Variants in PSIP1 observed in about 807,000 individuals in gnomAD.
PSIP1 encodes PC4 and SFRS1-interacting protein.
A neutral mutation model predicts 74.7 loss-of-function variants in PSIP1; 19 were observed. The observed-to-expected ratio is 0.25, with a 90% CI of 0.18 to 0.37. The LOEUF is 0.37. Ranked by LOEUF, PSIP1 falls within the 10% of genes least tolerant of loss-of-function variation. The probability of loss-of-function intolerance (pLI) is 1.00; values close to 1 mark genes in which losing one functional copy is unlikely to be tolerated. For synonymous variants in PSIP1, 222 were observed against 195.3 expected (o/e 1.14, Z -1.14); for missense variants, 601 against 614.3 (o/e 0.98, Z 0.23).
At chr9:15,484,061 G>A (rs941590398) in intron 6 of PSIP1, among the ~76,000 whole-genome samples, 21 of 151,230 alleles carry the variant, frequency 1.4e-4, no homozygotes, top group African/African-American at 5.1e-4. Context: ...GAACCCGGGA[G>A]GTGGAGGTTG....
intron 3 of PSIP1, chr9:15,492,162 T>A (rs1389655180): frequency 6.6e-6 from 1 of 152,224 alleles, no homozygotes; most frequent in Non-Finnish European, 1.5e-5. Context: ...CATTCCAGCA[T>A]TAACTCAAAA....
chr9:15,483,151 A>G (rs1244441540), intron 6 of PSIP1, among the ~76,000 whole-genome samples: 4 of 152,140 alleles, frequency 2.6e-5, no homozygotes, highest in Non-Finnish European at 5.9e-5. Context: ...CCCTATCTTC[A>G]TGCCAGAGAC....
At chr9:15,472,975 T>G (rs961652978) in intron 9 of PSIP1, among the ~76,000 whole-genome samples, 2 of 152,198 alleles carry the variant, frequency 1.3e-5, no homozygotes, top group African/African-American at 2.4e-5. Context: ...ATAGGAGTGA[T>G]GTCCTTTGGA....
rs2035477098 is a variant in PSIP1, at chr9:15,464,513, G to C, written c.*1007C>G. 5.0e-6 allele frequency: 1 copy of C among 200,558 alleles called. No homozygotes were observed. Among genetic ancestry groups the C allele is most frequent in the African/African-American group, 2.3e-5 (1 of 43,506 alleles). 12.4% of individuals were successfully genotyped at this position (200,558 alleles called of 1,614,324 possible). On this transcript the variant is annotated 3_prime_UTR_variant, in exon 16 of 16. Transcript: ENST00000380733. ...ATGTACAGACTTATCAAAGTACAAT[G>C]CTGGAACAACTAGTGTTTGTATTTT...
At position 15,471,831 on chromosome 9, in the gene PSIP1, T is replaced by C. The variant is rs981341582; in HGVS notation, c.977+801A>G. Reference sequence around the variant, plus strand: ...CATCATTAACTTTGTCTTATTGACCTAGAGCATGTTTTAAAAATCACCTCA... The same window carrying C: ...CATCATTAACTTTGTCTTATTGACCCAGAGCATGTTTTAAAAATCACCTCA... On this transcript the variant is annotated intron_variant, in intron 10 of 15. Coordinates refer to ENST00000380733, the MANE Select transcript of PSIP1 (RefSeq NM_033222.5). 12 of 960,074 alleles carry C rather than the reference T, an allele frequency of 1.2e-5. No homozygotes were observed. The African/African-American group carries it at 1.6e-4, about 13-fold the overall frequency. The allele number at this position is 960,074 out of a possible 1,614,324, so 59.5% of individuals were successfully genotyped here.
chr9:15,500,459 A>C (rs2037288335), intron 3 of PSIP1, among the ~76,000 whole-genome samples: 1 of 151,494 alleles, frequency 6.6e-6, no homozygotes, highest in Admixed American at 6.6e-5. Context: ...AGACAGAGCA[A>C]GACTCTGTCT....
chr9:15,474,332 T>G (rs2035983069), intron 8 of PSIP1, 95 bp from the exon 9 acceptor site: 1 of 1,046,492 alleles, frequency 9.6e-7, no homozygotes, highest in African/African-American at 1.6e-5. Flanking sequence ...AAGGCAAATC[T>G]AAAACAAAGT....
At position 15,478,559 on chromosome 9, in the gene PSIP1, TAC is replaced by T; in HGVS notation, c.554-9_554-8del. Reference sequence around the variant, plus strand: ...GGAATCTTGACTTCTGTAGCTAATATACACATGGAAAAAAAATCAGTAACTAC... The same window carrying T: ...GGAATCTTGACTTCTGTAGCTAATATACATGGAAAAAAAATCAGTAACTAC... On this transcript the variant is annotated splice_region_variant and splice_polypyrimidine_tract_variant and intron_variant, in intron 7 of 15. Transcript: ENST00000380733. 1 of 1,576,722 alleles carries T rather than the reference TAC, an allele frequency of 6.3e-7. No homozygotes were observed. The highest frequency in any genetic ancestry group is 8.7e-7 in the Non-Finnish European group (1 of 1,146,956).
At chr9:15,467,841 C>A (rs1216016708) in intron 14 of PSIP1, among the ~76,000 whole-genome samples, 3 of 152,154 alleles carry the variant, frequency 2.0e-5, no homozygotes, top group Non-Finnish European at 2.9e-5. Context: ...GACTTTATCA[C>A]CAGGCGCGGT....
intron 2 of PSIP1, among the ~76,000 whole-genome samples, chr9:15,507,002 G>C (rs927513899): frequency 6.6e-6 from 1 of 152,188 alleles, no homozygotes; most frequent in Non-Finnish European, 1.5e-5. Flanking sequence ...ATTCTGAATT[G>C]TTAATCATAT....
At chr9:15,472,255 GATGA>G (rs2035869306) in intron 10 of PSIP1, 1 of 995,440 alleles carries the variant, frequency 1.0e-6, no homozygotes, top group Non-Finnish European at 1.2e-6. Context: ...TTGGTGGTGT[GATGA>G]ATAAGGGCAT....
rs1013655008 is a variant in PSIP1 at position 15,477,840 on chromosome 9, TA to T, written c.629+636del. 7.9e-5 allele frequency among the ~76,000 whole-genome samples: 12 copies of T among 151,862 alleles called. No individual in the cohort carries two copies. In the South Asian group the frequency reaches 8.3e-4, roughly 10 times the overall value. On this transcript the variant is annotated intron_variant, in intron 8 of 15. Transcript: ENST00000380733. Reference sequence around the variant, plus strand: ...AATAAAGCACCTATTCTAGAGGAGATAAAAAAAAGATTTGTAGGCTAGGCAC... The same window carrying T: ...AATAAAGCACCTATTCTAGAGGAGATAAAAAAAGATTTGTAGGCTAGGCAC...
chr9:15,489,304 T>C (rs1587507932), intron 4 of PSIP1: 2 of 152,216 alleles, frequency 1.3e-5, no homozygotes, highest in East Asian at 3.9e-4. Flanking sequence ...TCCAATACAA[T>C]TCTATGGATT....
At chr9:15,468,533 T>C (rs2035723945) in intron 14 of PSIP1, 97 bp downstream of exon 14, 2 of 1,291,196 alleles carry the variant, frequency 1.5e-6, no homozygotes, top group East Asian at 2.3e-5. Context: ...TTCTGTGGCG[T>C]ATACACAGTG....
At chr9:15,483,211 A>G (rs1181230214) in intron 6 of PSIP1, among the ~76,000 whole-genome samples, 3 of 152,058 alleles carry the variant, frequency 2.0e-5, no homozygotes, top group South Asian at 2.1e-4. Context: ...AACAATATAT[A>G]TATCTCTTCA....
chr9:15,472,876 C>A (rs2035901108), intron 9 of PSIP1, 126 bp from the exon 10 acceptor site: 1 of 835,476 alleles, frequency 1.2e-6, no homozygotes. Context: ...AAATTAGCAA[C>A]CTAAAAATAG....
At chr9:15,485,584 C>G (rs1267001365) in intron 6 of PSIP1, among the ~76,000 whole-genome samples, 1 of 152,196 alleles carries the variant, frequency 6.6e-6, no homozygotes, top group East Asian at 1.9e-4. Context: ...CTGTCACTCA[C>G]ACTCATTTCT....
chr9:15,483,786 G>C (rs1295584907), intron 6 of PSIP1, among the ~76,000 whole-genome samples: 1 of 152,272 alleles, frequency 6.6e-6, no homozygotes, highest in South Asian at 2.1e-4. Context: ...AAGGTGAGGA[G>C]TTCAAGACCT....
At chr9:15,500,345 G>C (rs1323323464) in intron 3 of PSIP1, among the ~76,000 whole-genome samples, 1 of 151,862 alleles carries the variant, frequency 6.6e-6, no homozygotes, top group Non-Finnish European at 1.5e-5. Context: ...AGCGCCTGTA[G>C]TCCCAGCTAC....
Sources: gnomAD v4.1 joint callset for allele counts (sites outside exome capture counted in the v4.1 genomes callset) on GRCh38, gnomAD v4.1.1 for gene constraint, MANE v1.5 for transcripts, NCBI Gene and HGNC (gene_info 2026-07-23, HGNC 2026-07-21) for gene names.